Variants in GREB1L observed in about 807,000 individuals in gnomAD.
GREB1L encodes GREB1 like retinoic acid receptor coactivator.
Under a neutral mutation model 200.8 loss-of-function variants are expected in GREB1L, and 17 were observed. That is an observed-to-expected ratio of 0.08 (90% CI 0.06 to 0.13). The LOEUF is 0.13. GREB1L is among the 10% of genes least tolerant of loss of function. The probability of loss-of-function intolerance (pLI) is 1.00; values close to 1 mark genes in which losing one functional copy is unlikely to be tolerated. For missense variants in GREB1L, 1,657 were observed against 2,367.7 expected (o/e 0.70, Z 6.23); for synonymous variants, 789 against 893.0 (o/e 0.88, Z 2.08).
intron 23 of GREB1L, among the ~76,000 whole-genome samples, chr18:21,503,353 C>T (rs1243572950): frequency 1.3e-5 from 2 of 149,274 alleles, no homozygotes; most frequent in African/African-American, 4.9e-5. Flanking sequence ...ATTACAGGCT[C>T]ACGCCATCAT....
intron 15 of GREB1L, among the ~76,000 whole-genome samples, chr18:21,468,017 T>A (rs1221059776): frequency 7.7e-6 from 1 of 130,374 alleles, no homozygotes. Flanking sequence ...AGAGCGAGAC[T>A]CCATCTGAAA....
At chr18:21,448,301 C>T (rs2034342488) in intron 11 of GREB1L, among the ~76,000 whole-genome samples, 1 of 152,182 alleles carries the variant, frequency 6.6e-6, no homozygotes, top group Non-Finnish European at 1.5e-5. Flanking sequence ...CCCTGGCCTC[C>T]ACCCAATCCT....
chr18:21,485,608 A>G lies in GREB1L; in HGVS notation c.2557-12A>G, dbSNP rs1200122462. ...TGTCCTCATTGGGTTTTTGCTCTGT[A>G]TTTTGAACCAGGAGGACGTGGGCTG... On this transcript the variant is annotated splice_polypyrimidine_tract_variant and intron_variant, in intron 17 of 32. Transcript: ENST00000424526. 5.2e-6 allele frequency: 8 copies of G among 1,549,696 alleles called. No homozygotes were observed. The highest frequency in any genetic ancestry group is 6.1e-6 in the Non-Finnish European group (7 of 1,146,198).
At chr18:21,502,974 T>G (rs2036859804) in intron 23 of GREB1L, among the ~76,000 whole-genome samples, 1 of 152,220 alleles carries the variant, frequency 6.6e-6, no homozygotes, top group African/African-American at 2.4e-5. Context: ...CTCCCTCATT[T>G]TAGTGCAGGT....
intron 13 of GREB1L, among the ~76,000 whole-genome samples, chr18:21,451,771 C>T (rs1411165899): frequency 1.3e-5 from 2 of 152,104 alleles, no homozygotes; most frequent in Admixed American, 6.6e-5. Flanking sequence ...GCTGGGATTA[C>T]AGGCATGAAC....
intron 1 of GREB1L, among the ~76,000 whole-genome samples, chr18:21,275,397 G>C (rs1324248734): frequency 6.6e-6 from 1 of 152,084 alleles, no homozygotes; most frequent in Non-Finnish European, 1.5e-5. Context: ...TTTTTTTAGA[G>C]CTGGGGTCTT....
At chr18:21,434,557 G>GTA (rs1202839824) in intron 7 of GREB1L, among the ~76,000 whole-genome samples, 7 of 133,192 alleles carry the variant, frequency 5.3e-5, no homozygotes, top group African/African-American at 6.7e-5. Context: ...ATATATGTGT[G>GTA]TATATATATG....
chr18:21,397,287 G>A (rs1567977377), intron 5 of GREB1L, among the ~76,000 whole-genome samples: 3 of 151,572 alleles, frequency 2.0e-5, no homozygotes, highest in African/African-American at 4.9e-5. Flanking sequence ...GAGGTCAGGA[G>A]ATCGAGACCT....
intron 7 of GREB1L, among the ~76,000 whole-genome samples, chr18:21,415,148 G>A (rs1266109723): frequency 6.6e-6 from 1 of 152,154 alleles, no homozygotes; most frequent in African/African-American, 2.4e-5. Context: ...GATATCCAAA[G>A]AGTCCCTCAA....
intron 1 of GREB1L, among the ~76,000 whole-genome samples, chr18:21,357,098 A>G (rs2039515152): frequency 6.6e-6 from 1 of 152,194 alleles, no homozygotes; most frequent in African/African-American, 2.4e-5. Context: ...TCTGTTGCCC[A>G]GGCTGGAGTG....
intron 1 of GREB1L, among the ~76,000 whole-genome samples, chr18:21,254,175 T>C (rs1402558866): frequency 1.3e-5 from 2 of 150,078 alleles, no homozygotes; most frequent in Non-Finnish European, 2.9e-5. Flanking sequence ...GTTCAAGCGA[T>C]TCTCCTGTCT....
At position 21,477,280 on chromosome 18, in the gene GREB1L, T is replaced by C. The variant is rs2035739991; in HGVS notation, c.2480T>C (p.Phe827Ser). ...FNLLVLQVSSFPYTLQTQQSR... is the reference protein window; with the variant it reads ...FNLLVLQVSSSPYTLQTQQSR... ...CTCCTGGTGCTCCAGGTCAGCTCCT[T>C]CCCATACACTCTGCAGACCCAACAG... Residue 827 changes from phenylalanine to serine, a missense_variant, in exon 17 of 33, where the codon TTC (phenylalanine) becomes TCC (serine). By Grantham distance (155) the Phe-to-Ser change is radical. Transcript: ENST00000424526. The C allele has an allele frequency of 6.4e-7, 1 of 1,551,632 alleles. No individual in the cohort carries two copies. Among genetic ancestry groups the C allele is most frequent in the Admixed American group, 2.0e-5 (1 of 50,984 alleles).
intron 1 of GREB1L, among the ~76,000 whole-genome samples, chr18:21,314,898 G>A (rs533510245): frequency 6.6e-6 from 1 of 152,284 alleles, no homozygotes; most frequent in Non-Finnish European, 1.5e-5. Context: ...ATGGACCTCA[G>A]ATCAAAAGAT....
At chr18:21,472,479 T>C (rs532285981) in intron 15 of GREB1L, among the ~76,000 whole-genome samples, 12 of 152,234 alleles carry the variant, frequency 7.9e-5, no homozygotes, top group Non-Finnish European at 1.5e-4. Flanking sequence ...CAACATTCAC[T>C]GAGGTCTGCC....
intron 5 of GREB1L, among the ~76,000 whole-genome samples, chr18:21,397,682 CAG>C (rs992136710): frequency 6.6e-6 from 1 of 152,098 alleles, no homozygotes; most frequent in African/African-American, 2.4e-5. Context: ...GGCTGGGCGA[CAG>C]AGTGAGACTG....
At chr18:21,258,417 G>A (rs181377887) in intron 1 of GREB1L, among the ~76,000 whole-genome samples, 1 of 152,266 alleles carries the variant, frequency 6.6e-6, no homozygotes, top group Non-Finnish European at 1.5e-5. Flanking sequence ...ATAAATATTT[G>A]TTAATGACAA....
At chr18:21,315,338 G>A (rs754772660) in intron 1 of GREB1L, among the ~76,000 whole-genome samples, 26 of 152,144 alleles carry the variant, frequency 1.7e-4, no homozygotes, top group Admixed American at 4.6e-4. Flanking sequence ...TGATCCTCCC[G>A]CCTCAGCCTC....
chr18:21,383,399 T>C (rs1161700549), intron 2 of GREB1L, 111 bp from the exon 3 acceptor site: 1 of 777,108 alleles, frequency 1.3e-6, no homozygotes, highest in Non-Finnish European at 1.9e-6. Context: ...ATATTTCACA[T>C]CTTAACAAGA....
intron 29 of GREB1L, among the ~76,000 whole-genome samples, 194 bp downstream of exon 29, chr18:21,515,838 G>T (rs2037397649): frequency 6.6e-6 from 1 of 152,186 alleles, no homozygotes; most frequent in Non-Finnish European, 1.5e-5. Flanking sequence ...CTTAACAGGG[G>T]TTACAATGTG....
Sources: allele counts gnomAD v4.1 joint callset (sites outside exome capture counted in the v4.1 genomes callset), GRCh38; gene constraint gnomAD v4.1.1; transcripts MANE v1.5; gene names NCBI Gene and HGNC (gene_info 2026-07-23, HGNC 2026-07-21).